MCM2: variants seen among roughly 807,000 people sequenced by gnomAD.
MCM2 encodes the protein minichromosome maintenance complex component 2.
MCM2 carries 49 observed loss-of-function variants against 86.4 expected under a neutral mutation model. The ratio of observed to expected loss-of-function variants is 0.57; its 90% CI spans 0.45 to 0.72. The LOEUF (loss-of-function observed/expected upper bound fraction) is 0.72, where lower values mean the gene tolerates loss of function less well. MCM2 is among the 30% of genes least tolerant of loss of function. The probability of loss-of-function intolerance (pLI) is 0.00; values close to 1 mark genes in which losing one functional copy is unlikely to be tolerated. For missense variants in MCM2, 1,038 were observed against 1,259.9 expected (o/e 0.82, Z 2.67); for synonymous variants, 475 against 484.6 (o/e 0.98, Z 0.26).
intron 2 of MCM2, 151 bp from the exon 3 acceptor site, chr3:127,604,457 C>G: frequency 1.4e-6 from 1 of 717,250 alleles, no homozygotes; most frequent in South Asian, 1.8e-5. Flanking sequence ...GAGATCTTTT[C>G]TGAGCCTTCT....
At chr3:127,599,605 G>A in intron 2 of MCM2, 58 bp downstream of exon 2, 1 of 1,468,206 alleles carries the variant, frequency 6.8e-7, no homozygotes. Flanking sequence ...CCCATTGTGT[G>A]CCTGGTGGCC....
In MCM2 at chr3:127,599,640, G is replaced by C. The variant is rs1159905006; in HGVS notation, c.236+93G>C. 4 of 1,127,522 alleles carry C rather than the reference G, an allele frequency of 3.5e-6. No individual in the cohort carries two copies. The African/African-American group carries it at 6.3e-5, about 18-fold the overall frequency. 69.8% of individuals were successfully genotyped at this position (1,127,522 alleles called of 1,614,324 possible). The stretch of plus-strand genomic sequence containing the variant: ...CTGGCTTTGGGAGCTGGGAGCAGAT[G>C]AATCGATGGCATTCTTGCCTTTGAG... On this transcript the variant is annotated intron_variant, in intron 2 of 15. Coordinates refer to ENST00000265056, the MANE Select transcript of MCM2 (RefSeq NM_004526.4).
In MCM2 at chr3:127,618,964, C is replaced by G. The variant is rs1183287729; in HGVS notation, c.2014-63C>G. ...AGGGCACACTCAGCCCTTCTCCAGC[C>G]ACTGACCTCCCCAAAGCCACGCACA... is the stretch of plus-strand genomic sequence containing the variant. On this transcript the variant is annotated intron_variant, in intron 12 of 15. Transcript: ENST00000265056. The surrounding 1 kb of genome is among the most constrained non-coding windows in gnomAD (Gnocchi z 4.0). 4.7e-6 allele frequency: 7 copies of G among 1,485,462 alleles called. No individual in the cohort carries two copies. The highest frequency in any genetic ancestry group is 5.4e-6 in the Non-Finnish European group (6 of 1,113,268). 92.0% of individuals were successfully genotyped at this position (1,485,462 alleles called of 1,614,324 possible). A position where few individuals can be genotyped will look rare whatever the true frequency, so the allele number is the denominator to read the frequency against.
In MCM2 at chr3:127,606,034, G is replaced by A. The variant is rs151257370; in HGVS notation, c.674-84G>A. 4 of 1,032,354 alleles carry A rather than the reference G, an allele frequency of 3.9e-6. No individual in the cohort carries two copies. The highest frequency in any genetic ancestry group is 6.0e-6 in the Non-Finnish European group (4 of 669,982). The allele number at this position is 1,032,354 out of a possible 1,614,324, so 63.9% of individuals were successfully genotyped here. A position where few individuals can be genotyped will look rare whatever the true frequency, so the allele number is the denominator to read the frequency against. On this transcript the variant is annotated intron_variant, in intron 4 of 15. Transcript: ENST00000265056. This position sits in a 1 kb window ranked among gnomAD's most constrained non-coding sequence, Gnocchi z 4.2. Reference sequence around the variant, plus strand: ...CAAAATCAATGGTCGGGGTGGGTAGGCCTTGCTTCTCACACAGGCATTGTT... The same window carrying A: ...CAAAATCAATGGTCGGGGTGGGTAGACCTTGCTTCTCACACAGGCATTGTT...
intron 9 of MCM2, 42 bp downstream of exon 9, chr3:127,615,997 C>T (rs772113755): frequency 6.8e-7 from 1 of 1,460,460 alleles, no homozygotes; most frequent in African/African-American, 1.4e-5. Context: ...TAGCAGCTTT[C>T]TCTTTGGGGA....
chr3:127,610,995 T>C, intron 8 of MCM2: 1 of 456,406 alleles, frequency 2.2e-6, no homozygotes, highest in Non-Finnish European at 4.4e-6. Flanking sequence ...GGTGAGTAAG[T>C]CAGACATGAC....
rs1230391070 is a variant in MCM2 at position 127,607,542 on chromosome 3, G to A, written c.1101+725G>A. 4.5e-4 allele frequency among the ~76,000 whole-genome samples: 68 copies of A among 152,176 alleles called. 1 individual carries two copies. The highest frequency in any genetic ancestry group is 1.9e-4 in the East Asian group (1 of 5,196). On this transcript the variant is annotated intron_variant, in intron 6 of 15. Transcript: ENST00000265056. ...CTACAGCCAAAAGCTGACCCGTCTC[G>A]TCTCGGGTGGGGCAGCTGCAGGCCA...
At position 127,617,441 on chromosome 3, in the gene MCM2, G is replaced by A. The variant is rs762586888; in HGVS notation, c.1900+36G>A. 1 of 1,599,098 alleles carries A rather than the reference G, an allele frequency of 6.3e-7. No individual in the cohort carries two copies. The highest frequency in any genetic ancestry group is 8.5e-7 in the Non-Finnish European group (1 of 1,173,330). ...CACCCTGACTGCTGGGGCTGGGGTG[G>A]GACACAGGGAGGTCCCGCCTGCTTG... On this transcript the variant is annotated intron_variant, in intron 11 of 15. Transcript: ENST00000265056. The surrounding 1 kb of genome is among the most constrained non-coding windows in gnomAD (Gnocchi z 4.1).
chr3:127,612,673 C>G (rs536079190), intron 8 of MCM2, among the ~76,000 whole-genome samples: 2 of 152,160 alleles, frequency 1.3e-5, no homozygotes, highest in East Asian at 3.9e-4. Context: ...GCTCATGGTA[C>G]CCATGCAGGT....
intron 9 of MCM2, 129 bp downstream of exon 9, chr3:127,616,084 G>T: frequency 1.3e-6 from 1 of 755,056 alleles, no homozygotes; most frequent in Non-Finnish European, 2.2e-6. Context: ...AGATGGTCTG[G>T]CTGGGCGTGA....
At chr3:127,598,908 C>T (rs1259747128) in intron 1 of MCM2, 8 of 338,354 alleles carry the variant, frequency 2.4e-5, no homozygotes, top group Non-Finnish European at 4.3e-5. Context: ...AGTTCCAGAC[C>T]TCTTGTTTTG....
At chr3:127,616,392 A>G (rs1270907400) in intron 9 of MCM2, among the ~76,000 whole-genome samples, 6 of 152,126 alleles carry the variant, frequency 3.9e-5, no homozygotes, top group African/African-American at 1.2e-4. Context: ...TTACAATTAC[A>G]CAGCAACCAC....
intron 1 of MCM2, 52 bp from the exon 2 acceptor site, chr3:127,599,266 A>G (rs2074285364): frequency 4.7e-6 from 7 of 1,491,744 alleles, no homozygotes; most frequent in South Asian, 1.1e-5. Flanking sequence ...AGGAAGCTGT[A>G]TCATGCCTCA....
At chr3:127,603,407 C>CTGCCTCCCTGGTTCAGAGGT (rs1178078319) in intron 2 of MCM2, among the ~76,000 whole-genome samples, 4 of 152,192 alleles carry the variant, frequency 2.6e-5, no homozygotes, top group African/African-American at 9.7e-5. Flanking sequence ...ACTGCAACCT[C>CTGCCTCCCTGGTTCAGAGGT]TGCCTCCCTG....
chr3:127,611,690 T>A (rs1447166456), intron 8 of MCM2, among the ~76,000 whole-genome samples: 5 of 104,734 alleles, frequency 4.8e-5, no homozygotes, highest in African/African-American at 2.2e-4. Flanking sequence ...GACTTTTTTT[T>A]TTTTTTTTTT....
At chr3:127,614,751 C>T (rs1039747251) in intron 8 of MCM2, among the ~76,000 whole-genome samples, 3 of 152,194 alleles carry the variant, frequency 2.0e-5, no homozygotes, top group Admixed American at 6.5e-5. Flanking sequence ...GAGGTTTCCA[C>T]GCTGCAGGTG....
intron 7 of MCM2, 27 bp from the exon 8 acceptor site, chr3:127,608,805 G>A: frequency 1.9e-6 from 3 of 1,611,664 alleles, no homozygotes; most frequent in Non-Finnish European, 2.5e-6. Context: ...GTTAGGCTCT[G>A]ACTTCTTGGC....
chr3:127,610,988 GAGTA>G (rs532131648), intron 8 of MCM2: 2 of 456,512 alleles, frequency 4.4e-6, no homozygotes, highest in Non-Finnish European at 8.8e-6. Context: ...ATACAATGGT[GAGTA>G]AGTCAGACAT....
At chr3:127,610,924 G>C in intron 8 of MCM2, 1 of 456,714 alleles carries the variant, frequency 2.2e-6, no homozygotes, top group South Asian at 1.5e-5. Flanking sequence ...AGGAGCTTCA[G>C]TTCAGCCAAC....
Sources: allele counts gnomAD v4.1 joint callset (sites outside exome capture counted in the v4.1 genomes callset), GRCh38; gene constraint gnomAD v4.1.1; non-coding constraint Gnocchi (gnomAD v3.1); transcripts MANE v1.5; gene names NCBI Gene and HGNC (gene_info 2026-07-23, HGNC 2026-07-21).